The following L3MBTL1 variants were observed in gnomAD, a reference collection of about 807,000 sequenced individuals.
L3MBTL1 encodes the protein L3MBTL histone methyl-lysine binding protein 1.
L3MBTL1 carries 75 observed loss-of-function variants against 105.3 expected under a neutral mutation model. That is an observed-to-expected ratio of 0.71 (90% CI 0.59 to 0.86). The LOEUF (loss-of-function observed/expected upper bound fraction) is 0.86. L3MBTL1 is among the 40% of genes least tolerant of loss of function. L3MBTL1 has a pLI of 0.00. For synonymous variants in L3MBTL1, 452 were observed against 436.2 expected, an observed-to-expected ratio of 1.04 and a Z score of -0.45; for missense variants, 1,069 against 1,126.4, an observed-to-expected ratio of 0.95 and a Z score of 0.73.
Position 43,515,360 on chromosome 20 carries a change from G to C in L3MBTL1, c.722G>C (p.Arg241Thr). ...GAGCTCCTCAAACCCATGAAGAAGA[G>C]GAAGCGCAGGGAATACCAGAGCCCA... is the stretch of plus-strand genomic sequence containing the variant. ...ASELLKPMKK[R>T]KRREYQSPSE... Residue 241 changes from arginine to threonine, a missense_variant, in exon 6 of 22, where the codon AGG becomes ACG. Arg to Thr is a moderately conservative substitution (Grantham distance 71). Transcript: ENST00000418998. 6.4e-7 allele frequency: 1 copy of C among 1,565,334 alleles called. No homozygotes were observed. The highest frequency in any genetic ancestry group is 8.7e-7 in the Non-Finnish European group (1 of 1,153,832).
At chr20:43,512,376 ATTTAC>A (rs1416165970) in intron 1 of L3MBTL1, among the ~76,000 whole-genome samples, 4 of 152,018 alleles carry the variant, frequency 2.6e-5, no homozygotes, top group Admixed American at 2.0e-4. Context: ...GTCGCTATTT[ATTTAC>A]TTATTTCTTG....
chr20:43,523,815 G>GA (rs2018866346), intron 7 of L3MBTL1, among the ~76,000 whole-genome samples: 1 of 152,104 alleles, frequency 6.6e-6, no homozygotes, highest in African/African-American at 2.4e-5. Context: ...CCAACGTGGT[G>GA]AAACCCCATC....
intron 8 of L3MBTL1, chr20:43,529,000 C>A (rs1029237051): frequency 1.7e-6 from 1 of 602,174 alleles, no homozygotes; most frequent in Non-Finnish European, 3.0e-6. Flanking sequence ...CTGGTGACTT[C>A]TACTCAATTC....
rs1304900254 is a variant in L3MBTL1, at chr20:43,517,393, CT to C, written c.862+1224del. Among the ~76,000 whole-genome samples, 4 of 151,898 alleles carry C rather than the reference CT, an allele frequency of 2.6e-5. No individual in the cohort carries two copies. The East Asian group carries it at 7.7e-4, about 29-fold the overall frequency. ...ACAGGAGTGAGCCAAGGCACCCAGC[CT>C]TTTTTTTAATTTTAATTTTTAATTT... On this transcript the variant is annotated intron_variant, in intron 7 of 21. Transcript: ENST00000418998.
At chr20:43,547,026 G>T (rs558902725) in intron 18 of L3MBTL1, among the ~76,000 whole-genome samples, 1 of 150,906 alleles carries the variant, frequency 6.6e-6, no homozygotes, top group South Asian at 2.1e-4. Flanking sequence ...TACATAATTG[G>T]TTTTGGTTTT....
At chr20:43,536,665 CCATGGCCTTG>C (rs1469309768) in intron 19 of L3MBTL1, among the ~76,000 whole-genome samples, 1 of 152,064 alleles carries the variant, frequency 6.6e-6, no homozygotes, top group African/African-American at 2.4e-5. Flanking sequence ...CTCATGTCCC[CCATGGCCTTG>C]CTGTGAGTCT....
In L3MBTL1 at chr20:43,536,061, G is replaced by A. The variant is rs747629740; in HGVS notation, c.1926-36G>A. On this transcript the variant is annotated intron_variant, in intron 17 of 21. Transcript: ENST00000418998. The stretch of plus-strand genomic sequence containing the variant: ...GCTGAGGAGGGCTCAGCGGGGACCA[G>A]TGGATTAAACCCAACTGAAGTCTCT... 10 of 1,610,550 alleles carry A rather than the reference G, an allele frequency of 6.2e-6. No homozygotes were observed. The South Asian group carries it at 9.9e-5, about 16-fold the overall frequency.
intron 3 of L3MBTL1, chr20:43,514,341 TGTTA>T (rs926514999): frequency 8.1e-4 from 881 of 1,082,744 alleles, no homozygotes; most frequent in Non-Finnish European, 1.1e-3. Flanking sequence ...AGTGGGCCTG[TGTTA>T]GTTTGGGGGC....
At chr20:43,530,720 T>G (rs899399176) in intron 10 of L3MBTL1, 78 bp from the exon 11 acceptor site, 6 of 1,349,564 alleles carry the variant, frequency 4.4e-6, no homozygotes, top group Non-Finnish European at 6.4e-6. Context: ...TGCCTGATTC[T>G]GCTGCTTCAC....
intron 10 of L3MBTL1, 53 bp downstream of exon 10, chr20:43,530,472 G>C: frequency 6.4e-7 from 1 of 1,573,550 alleles, no homozygotes; most frequent in Non-Finnish European, 8.6e-7. Flanking sequence ...CAGACCCTTC[G>C]CTTCTTCCCC....
rs754447208 is a variant in L3MBTL1 at position 43,515,183 on chromosome 20, T to C, written c.653+24T>C. ...CGGTAAGGGGAGGAGGTCGCAGCCCTACTTGCTCTACCTTCAGCCCCCAAA... is the reference window on the plus strand; with the variant it reads ...CGGTAAGGGGAGGAGGTCGCAGCCCCACTTGCTCTACCTTCAGCCCCCAAA... On this transcript the variant is annotated intron_variant, in intron 5 of 21. Transcript: ENST00000418998. The C allele has an allele frequency of 1.9e-6, 3 of 1,614,106 alleles. No homozygotes were observed. In the Admixed American group the frequency reaches 5.0e-5, roughly 27 times the overall value.
Position 43,528,881 on chromosome 20 carries a change from T to G in L3MBTL1, c.951+136T>G, listed in dbSNP as rs573276625. On this transcript the variant is annotated intron_variant, in intron 8 of 21. Transcript: ENST00000418998. Reference sequence around the variant, plus strand: ...GCAGAATGGAAAGGGAGAGACTGTTTAGGGGCCCAGAGTGGAAAAGGGCCC... The same window carrying G: ...GCAGAATGGAAAGGGAGAGACTGTTGAGGGGCCCAGAGTGGAAAAGGGCCC... The G allele has an allele frequency of 4.6e-4, 331 of 724,406 alleles. 1 individual carries two copies. Among genetic ancestry groups the G allele is most frequent in the Non-Finnish European group, 1.3e-4 (52 of 414,012 alleles). The allele number at this position is 724,406 out of a possible 1,614,324, so 44.9% of individuals were successfully genotyped here. A position where few individuals can be genotyped will look rare whatever the true frequency, so the allele number is the denominator to read the frequency against.
chr20:43,543,807 T>C (rs1391984263), downstream of L3MBTL1, among the ~76,000 whole-genome samples: 1 of 152,272 alleles, frequency 6.6e-6, no homozygotes, highest in Non-Finnish European at 1.5e-5. Flanking sequence ...ATGGTTGTTC[T>C]GTACTGGTGG....
intron 7 of L3MBTL1, among the ~76,000 whole-genome samples, 164 bp downstream of exon 7, chr20:43,516,341 G>C (rs1331517742): frequency 6.6e-6 from 1 of 152,092 alleles, no homozygotes; most frequent in East Asian, 1.9e-4. Context: ...GACTATTTTG[G>C]GTTTGTGTAT....
chr20:43,515,383 C>A lies in L3MBTL1; in HGVS notation c.745C>A (p.Pro249Thr). ...GAGGAAGCGCAGGGAATACCAGAGCCCATCAGAGGAGGAGTCGGAGCCAGA... is the reference window on the plus strand; with the variant it reads ...GAGGAAGCGCAGGGAATACCAGAGCACATCAGAGGAGGAGTCGGAGCCAGA... ...KKRKRREYQS[P>T]SEEESEPEAM... Residue 249 changes from proline (P) to threonine (T), a missense_variant, in exon 6 of 22, where the codon CCA becomes ACA. Coordinates refer to ENST00000418998, the MANE Select transcript of L3MBTL1 (RefSeq NM_001377303.1). The A allele has an allele frequency of 6.4e-7, 1 of 1,559,678 alleles. No individual in the cohort carries two copies. Among genetic ancestry groups the A allele is most frequent in the East Asian group, 2.4e-5 (1 of 42,024 alleles).
intron 16 of L3MBTL1, among the ~76,000 whole-genome samples, chr20:43,535,305 T>G (rs2019550762): frequency 6.6e-6 from 1 of 152,172 alleles, no homozygotes; most frequent in Non-Finnish European, 1.5e-5. Context: ...AAATTCTGAT[T>G]GTCTGTGCAG....
At chr20:43,533,042 T>A in intron 12 of L3MBTL1, 118 bp downstream of exon 12, 7 of 985,508 alleles carry the variant, frequency 7.1e-6, no homozygotes, top group Non-Finnish European at 1.1e-5. Context: ...CAGATCTTCC[T>A]CCGGTTGGAA....
In L3MBTL1 at chr20:43,514,647, G is replaced by A. The variant is rs780521704; in HGVS notation, c.373G>A (p.Glu125Lys). 3.1e-6 allele frequency: 5 copies of A among 1,598,122 alleles called. No individual in the cohort carries two copies. The highest frequency in any genetic ancestry group is 4.3e-6 in the Non-Finnish European group (5 of 1,172,478). The change falls in exon 4 of 22, where the codon GAG becomes AAG. Residue 125 changes from glutamate to lysine, a missense_variant. Physicochemically the swap from Glu to Lys is moderately conservative, Grantham distance 56. Transcript: ENST00000418998. ...TCCCGCGCTCCAGTTCCGGATAAGCGAGTATAAGCCGCTGAACATGGCGGG... is the reference window on the plus strand; with the variant it reads ...TCCCGCGCTCCAGTTCCGGATAAGCAAGTATAAGCCGCTGAACATGGCGGG... ...PGGGLRFRIS[E>K]YKPLNMAGVE...
chr20:43,535,050 G>T, intron 16 of L3MBTL1, 108 bp downstream of exon 16: 2 of 691,266 alleles, frequency 2.9e-6, no homozygotes, highest in Non-Finnish European at 4.8e-6. Flanking sequence ...TGACACAGAG[G>T]GCTCTGATGC....
Sources: gnomAD v4.1 joint callset for allele counts (sites outside exome capture counted in the v4.1 genomes callset) on GRCh38, gnomAD v4.1.1 for gene constraint, MANE v1.5 for transcripts, NCBI Gene and HGNC (gene_info 2026-07-23, HGNC 2026-07-21) for gene names.